Variants in NLRC3 observed in about 807,000 individuals in gnomAD.
NLRC3 encodes NLR family CARD domain containing 3.
In NLRC3, 87 loss-of-function variants were observed where a neutral mutation model predicts 91.6. That is an observed-to-expected ratio of 0.95 (90% CI 0.80 to 1.14). The LOEUF (loss-of-function observed/expected upper bound fraction) is 1.14, where lower values mean the gene tolerates loss of function less well. NLRC3 is among the 50% of genes most tolerant of loss of function. The probability of loss-of-function intolerance (pLI) is 0.00; values close to 1 mark genes in which losing one functional copy is unlikely to be tolerated. For synonymous variants in NLRC3, 694 were observed against 625.3 expected, an observed-to-expected ratio of 1.11 and a Z score of -1.64; for missense variants, 1,577 against 1,418.6, an observed-to-expected ratio of 1.11 and a Z score of -1.79.
At chr16:3,544,494 C>G (rs541316581) in intron 15 of NLRC3, 165 bp from the exon 16 acceptor site, 1 of 610,820 alleles carries the variant, frequency 1.6e-6, no homozygotes, top group South Asian at 1.9e-5. Flanking sequence ...TGCAGCCCGC[C>G]GCCTCATACT....
Position 3,541,739 on chromosome 16 carries a change from C to A in NLRC3, c.*86G>T. 2.3e-6 allele frequency: 2 copies of A among 882,354 alleles called. No individual in the cohort carries two copies. Among genetic ancestry groups the A allele is most frequent in the Non-Finnish European group, 3.7e-6 (2 of 542,702 alleles). 54.7% of individuals were successfully genotyped at this position (882,354 alleles called of 1,614,324 possible). A position where few individuals can be genotyped will look rare whatever the true frequency, so the allele number is the denominator to read the frequency against. ...TGCTGAGCAAGCAGCGTTCCCAGCT[C>A]CCAGACAGGCCCCCCAGAAGTCGGC... is the stretch of plus-strand genomic sequence containing the variant. On this transcript the variant is annotated 3_prime_UTR_variant, in exon 20 of 20. Coordinates refer to ENST00000359128, the MANE Select transcript of NLRC3 (RefSeq NM_178844.4).
intron 6 of NLRC3, among the ~76,000 whole-genome samples, chr16:3,561,295 C>T (rs2039598656): frequency 6.6e-6 from 1 of 151,944 alleles, no homozygotes; most frequent in East Asian, 1.9e-4. Context: ...TACAATGAGC[C>T]GAGATCATGC....
intron 2 of NLRC3, among the ~76,000 whole-genome samples, chr16:3,566,975 C>T (rs947314868): frequency 2.0e-5 from 3 of 152,072 alleles, no homozygotes; most frequent in South Asian, 2.1e-4. Flanking sequence ...AAGGAGAAAA[C>T]GCTGGTTCTC....
In NLRC3 at chr16:3,564,128, C is replaced by T. The variant is rs753764515; in HGVS notation, c.809G>A (p.Ser270Asn). Residue 270 changes from serine (S) to asparagine (N), a missense_variant, in exon 5 of 20, where the codon AGT becomes AAT. By Grantham distance (46) the Ser-to-Asn change is conservative (BLOSUM62 1). Transcript: ENST00000359128. This position sits in a 1 kb window ranked among gnomAD's most constrained non-coding sequence, Gnocchi z 5.9. ...GCCCCCTGGGATCTGGCCAGATGCA[C>T]TGGGACGGGAGGTGATCCAGATGGA... ...EVSIWITSRPSASGQIPGGLV... is the reference protein window; with the variant it reads ...EVSIWITSRPNASGQIPGGLV... 2.5e-6 allele frequency: 4 copies of T among 1,613,658 alleles called. No individual in the cohort carries two copies. The highest frequency in any genetic ancestry group is 1.6e-4 in the Middle Eastern group (1 of 6,062).
intron 6 of NLRC3, among the ~76,000 whole-genome samples, chr16:3,561,000 A>T (rs116432040): frequency 0.063 from 9,654 of 152,158 alleles, 329 homozygotes; most frequent in Admixed American, 0.074. Flanking sequence ...AATTGATTTA[A>T]AATTAAATTT....
At chr16:3,557,159 G>A (rs1156754217) in intron 7 of NLRC3, among the ~76,000 whole-genome samples, 165 bp from the exon 8 acceptor site, 1 of 152,218 alleles carries the variant, frequency 6.6e-6, no homozygotes, top group Non-Finnish European at 1.5e-5. Flanking sequence ...TATAAACAAG[G>A]AAGGAGTTTC....
chr16:3,550,613 T>C, intron 10 of NLRC3, 116 bp from the exon 11 acceptor site: 1 of 723,320 alleles, frequency 1.4e-6, no homozygotes, highest in Non-Finnish European at 2.5e-6. Flanking sequence ...GTCTCAAGGG[T>C]GGCCAGTGCA....
intron 16 of NLRC3, 169 bp downstream of exon 16, chr16:3,544,077 G>A: frequency 1.7e-6 from 1 of 583,520 alleles, no homozygotes. Flanking sequence ...AGAATCACTT[G>A]AACCCAGGAG....
At chr16:3,565,561 A>G (rs1016927519) in intron 2 of NLRC3, among the ~76,000 whole-genome samples, 181 bp from the exon 3 acceptor site, 7 of 151,608 alleles carry the variant, frequency 4.6e-5, no homozygotes, top group African/African-American at 1.7e-4. Context: ...TGGAAAAGGC[A>G]AAAGTATGGA....
At chr16:3,570,810 G>C (rs2040072755) in intron 1 of NLRC3, among the ~76,000 whole-genome samples, 1 of 152,194 alleles carries the variant, frequency 6.6e-6, no homozygotes, top group Admixed American at 6.5e-5. Flanking sequence ...CACCGTTGTT[G>C]TAAGGAGTTT....
At chr16:3,556,783 G>A (rs928611325) in intron 8 of NLRC3, 128 bp downstream of exon 8, 4 of 668,322 alleles carry the variant, frequency 6.0e-6, no homozygotes, top group African/African-American at 3.6e-5. Context: ...GATTACAGAT[G>A]TGAGCCACTG....
At chr16:3,546,047 C>T (rs1051615370) in intron 15 of NLRC3, among the ~76,000 whole-genome samples, 20 of 151,964 alleles carry the variant, frequency 1.3e-4, no homozygotes, top group African/African-American at 4.4e-4. Flanking sequence ...CAGAGGGAAT[C>T]GAGTGGATGG....
chr16:3,541,686 CCTT>C lies in NLRC3; in HGVS notation c.*136_*138del. 1.6e-6 allele frequency: 1 copy of C among 641,294 alleles called. No homozygotes were observed. The highest frequency in any genetic ancestry group is 1.8e-5 in the African/African-American group (1 of 55,052). 39.7% of individuals were successfully genotyped at this position (641,294 alleles called of 1,614,324 possible). A position where few individuals can be genotyped will look rare whatever the true frequency, so the allele number is the denominator to read the frequency against. On this transcript the variant is annotated 3_prime_UTR_variant, in exon 20 of 20. Coordinates refer to ENST00000359128, the MANE Select transcript of NLRC3 (RefSeq NM_178844.4). ...CACGACCTCCTCCGGCAGCACCTCTCCTTCCTCCCTGCAGAGCCCGGCTCTCGT... is the reference window on the plus strand; with the variant it reads ...CACGACCTCCTCCGGCAGCACCTCTCCCTCCCTGCAGAGCCCGGCTCTCGT...
At chr16:3,548,385 T>C (rs558561184) in intron 14 of NLRC3, among the ~76,000 whole-genome samples, 167 bp from the exon 15 acceptor site, 1 of 152,330 alleles carries the variant, frequency 6.6e-6, no homozygotes, top group Admixed American at 6.5e-5. Context: ...ATGTACTCCC[T>C]GGTTAGCCGT....
rs1184354517 is a variant in NLRC3 at position 3,577,172 on chromosome 16, A to C, written c.-192T>G. On this transcript the variant is annotated 5_prime_UTR_variant, in exon 1 of 20. Coordinates refer to ENST00000359128, the MANE Select transcript of NLRC3 (RefSeq NM_178844.4). The stretch of plus-strand genomic sequence containing the variant: ...ACCTCCCGGGCCTCGATGCTGCTCC[A>C]GGGACAGCAAGACTGGGGGGCCTGG... 1.4e-6 allele frequency: 1 copy of C among 702,916 alleles called. No homozygotes were observed. Among genetic ancestry groups the C allele is most frequent in the South Asian group, 1.5e-5 (1 of 67,604 alleles). 43.5% of individuals were successfully genotyped at this position (702,916 alleles called of 1,614,324 possible).
In NLRC3 at chr16:3,542,264, TCTC is replaced by T. The variant is rs1345009699; in HGVS notation, c.3031_3033del (p.Glu1011del). ...ATCGCCCCGTCCATCCCCAGAGAAT[TCTC>T]TTGAAGACTAAGTGGAAAAGAGATG... is the stretch of plus-strand genomic sequence containing the variant. On this transcript the variant is annotated inframe_deletion, in exon 19 of 20. Transcript: ENST00000359128. 1 of 1,587,512 alleles carries T rather than the reference TCTC, an allele frequency of 6.3e-7. No individual in the cohort carries two copies. Among genetic ancestry groups the T allele is most frequent in the South Asian group, 1.2e-5 (1 of 86,634 alleles).
intron 6 of NLRC3, among the ~76,000 whole-genome samples, chr16:3,560,195 A>G (rs1016360369): frequency 1.3e-5 from 2 of 152,050 alleles, no homozygotes; most frequent in African/African-American, 4.8e-5. Flanking sequence ...CGGATGGATC[A>G]CCTGAGGTCA....
rs2038475198 is a variant in NLRC3 at position 3,542,784 on chromosome 16, A to C, written c.2940-9T>G. Reference sequence around the variant, plus strand: ...TGGCATTTCCTCTTAAGCTGTTGGGAAAGACAGGAAGCCTAAGGCATGGGT... The same window carrying C: ...TGGCATTTCCTCTTAAGCTGTTGGGCAAGACAGGAAGCCTAAGGCATGGGT... On this transcript the variant is annotated splice_polypyrimidine_tract_variant and intron_variant, in intron 17 of 19. Coordinates refer to ENST00000359128, the MANE Select transcript of NLRC3 (RefSeq NM_178844.4). 2 of 1,591,508 alleles carry C rather than the reference A, an allele frequency of 1.3e-6. No individual in the cohort carries two copies. Among genetic ancestry groups the C allele is most frequent in the Non-Finnish European group, 1.7e-6 (2 of 1,165,578 alleles).
intron 3 of NLRC3, 103 bp downstream of exon 3, chr16:3,565,216 G>A: frequency 1.4e-6 from 1 of 699,244 alleles, no homozygotes. Flanking sequence ...GAATGGACTG[G>A]AAGGGCCATT....
Sources: gnomAD v4.1 joint callset for allele counts (sites outside exome capture counted in the v4.1 genomes callset) on GRCh38, gnomAD v4.1.1 for gene constraint, Gnocchi (gnomAD v3.1) non-coding constraint, MANE v1.5 for transcripts, NCBI Gene and HGNC (gene_info 2026-07-23, HGNC 2026-07-21) for gene names.